GK: variants seen among roughly 807,000 people sequenced by gnomAD.
GK encodes glycerol kinase, also known as ATP:glycerol 3-phosphotransferase.
A neutral mutation model predicts 56.4 loss-of-function variants in GK; 9 were observed. That is an observed-to-expected ratio of 0.16 (90% CI 0.10 to 0.28). The LOEUF (loss-of-function observed/expected upper bound fraction) is 0.28. GK is among the 10% of genes least tolerant of loss of function. The pLI is 1.00. For synonymous variants in GK, 104 were observed against 144.1 expected (o/e 0.72, Z 1.99); for missense variants, 161 against 431.4 (o/e 0.37, Z 5.55).
At chrX:30,707,700 C>T (rs1452467671) in intron 12 of GK, 102 bp downstream of exon 12, 5 of 512,287 alleles carry the variant, frequency 9.8e-6, no homozygotes, top group East Asian at 3.7e-5. Context: ...TTAGCTTTTA[C>T]TTAATCTTTA....
chrX:30,653,520 C>A lies in GK; in HGVS notation c.-18C>A, dbSNP rs370271242. On this transcript the variant is annotated 5_prime_UTR_variant, in exon 1 of 21. Coordinates refer to ENST00000427190, the MANE Select transcript of GK (RefSeq NM_001205019.2). Reference sequence around the variant, plus strand: ...CAGGAAACCGGCCGCAATCGCCGGCCGACCTGAAGCTGGTTTCATGGCAGC... The same window carrying A: ...CAGGAAACCGGCCGCAATCGCCGGCAGACCTGAAGCTGGTTTCATGGCAGC... The A allele has an allele frequency of 4.1e-6, 5 of 1,206,254 alleles. No individual in the cohort carries two copies. The highest frequency in any genetic ancestry group is 5.6e-6 in the Non-Finnish European group (5 of 890,245).
In GK at chrX:30,700,378, G is replaced by T. The variant is rs368803271; in HGVS notation, c.748-36G>T. On this transcript the variant is annotated intron_variant, in intron 9 of 20. Transcript: ENST00000427190. ...GCTATGTTAGTAGAGCCAAAATTTT[G>T]TGACTATTCATAATCCTTTTTTTAA... 18 of 1,132,040 alleles carry T rather than the reference G, an allele frequency of 1.6e-5. No individual in the cohort carries two copies. The African/African-American group carries it at 1.6e-4, about 10-fold the overall frequency. The allele number at this position is 1,132,040 out of a possible 1,213,427, so 93.3% of individuals were successfully genotyped here.
At chrX:30,693,166 G>A (rs1048715092) in intron 5 of GK, among the ~76,000 whole-genome samples, 2 of 107,372 alleles carry the variant, frequency 1.9e-5, no homozygotes, top group Non-Finnish European at 3.8e-5. Context: ...ACAGGTGCCC[G>A]CCACCATGCC....
intron 5 of GK, 56 bp downstream of exon 5, chrX:30,691,255 T>G: frequency 1.5e-6 from 1 of 673,567 alleles, no homozygotes; most frequent in Non-Finnish European, 2.4e-6. Flanking sequence ...AAAAAAAGTT[T>G]GCAGATTTCA....
Position 30,730,132 on chromosome X carries a change from C to T in GK, c.*1390C>T, listed in dbSNP as rs1043767966. 1 of 112,115 alleles carries T rather than the reference C, an allele frequency of 8.9e-6. No homozygotes were observed. Among genetic ancestry groups the T allele is most frequent in the Admixed American group, 9.5e-5 (1 of 10,511 alleles). 9.2% of individuals were successfully genotyped at this position (112,115 alleles called of 1,213,427 possible). On this transcript the variant is annotated 3_prime_UTR_variant, in exon 21 of 21. Transcript: ENST00000427190. ...TATAAGAAGTTACCTAATCCTGCTT[C>T]TTAACATCAATTTTTAAAAATATCT...
chrX:30,655,808 A>G, intron 1 of GK, among the ~76,000 whole-genome samples: 1 of 111,756 alleles, frequency 8.9e-6, no homozygotes, highest in Non-Finnish European at 1.9e-5. Flanking sequence ...TTCTACATCA[A>G]TGAAGAAGAA....
intron 11 of GK, among the ~76,000 whole-genome samples, chrX:30,706,157 ATGCTCCTTGAATTTGTCACC>A (rs1009784859): frequency 4.5e-5 from 5 of 112,072 alleles, no homozygotes; most frequent in South Asian, 7.4e-4. Flanking sequence ...TATTAGTCCC[ATGCTCCTTGAATTTGTCACC>A]TGCTCATCAA....
intron 3 of GK, among the ~76,000 whole-genome samples, chrX:30,671,291 C>CAAAAAAAAAAAAAA (rs56822779): frequency 3.7e-5 from 1 of 27,310 alleles, no homozygotes; most frequent in African/African-American, 1.3e-4. Flanking sequence ...AACTCCATCT[C>CAAAAAAAAAAAAAA]AAAAAAAAAA....
Sources: gnomAD v4.1 joint callset for allele counts (sites outside exome capture counted in the v4.1 genomes callset) on GRCh38, gnomAD v4.1.1 for gene constraint, MANE v1.5 for transcripts, NCBI Gene and HGNC (gene_info 2026-07-23, HGNC 2026-07-21) for gene names.